Variants in ST3GAL2 observed in about 807,000 individuals in gnomAD.
ST3GAL2 encodes CMP-N-acetylneuraminate-beta-galactosamide-alpha-2,3-sialyltransferase 2.
In ST3GAL2, 16 loss-of-function variants were observed where a neutral mutation model predicts 37.5. That is an observed-to-expected ratio of 0.43 (90% CI 0.29 to 0.65). The LOEUF is 0.65. Ranked by LOEUF, ST3GAL2 falls within the 30% of genes least tolerant of loss-of-function variation. The pLI, the probability that ST3GAL2 is intolerant of heterozygous loss-of-function variation, is 0.17. For missense variants in ST3GAL2, 383 were observed against 487.8 expected (o/e 0.79, Z 2.02); for synonymous variants, 238 against 202.9 (o/e 1.17, Z -1.47).
Position 70,381,377 on chromosome 16 carries a change from T to A in ST3GAL2, c.*312A>T, listed in dbSNP as rs1218249317. ...CCTCAGAAAGCGTGAAAGAAAACCC[T>A]AACCCAAAGCATGAGGGAGTGGGGA... On this transcript the variant is annotated 3_prime_UTR_variant, in exon 7 of 7. Transcript: ENST00000342907. 2 of 315,312 alleles carry A rather than the reference T, an allele frequency of 6.3e-6. No homozygotes were observed. The highest frequency in any genetic ancestry group is 1.3e-4 in the East Asian group (2 of 15,532). The allele number at this position is 315,312 out of a possible 1,614,324, so 19.5% of individuals were successfully genotyped here.
In ST3GAL2 at chr16:70,381,643, C is replaced by T; in HGVS notation, c.*46G>A. 6.3e-7 allele frequency: 1 copy of T among 1,597,350 alleles called. No individual in the cohort carries two copies. Among genetic ancestry groups the T allele is most frequent in the South Asian group, 1.1e-5 (1 of 89,914 alleles). ...CTGGTCCTGGGTCCCGGGCCGGAGC[C>T]CCGGTGCCCGATAGATGGGCCGGAA... is the stretch of plus-strand genomic sequence containing the variant. On this transcript the variant is annotated 3_prime_UTR_variant, in exon 7 of 7. Coordinates refer to ENST00000342907, the MANE Select transcript of ST3GAL2 (RefSeq NM_006927.4).
chr16:70,407,313 G>A (rs1334795036), intron 1 of ST3GAL2, among the ~76,000 whole-genome samples: 1 of 152,032 alleles, frequency 6.6e-6, no homozygotes, highest in African/African-American at 2.4e-5. Context: ...GCTAATTTTT[G>A]TATTTTCAAC....
intron 3 of ST3GAL2, among the ~76,000 whole-genome samples, chr16:70,392,632 T>C (rs921355906): frequency 9.2e-5 from 14 of 152,056 alleles, no homozygotes; most frequent in African/African-American, 3.1e-4. Context: ...AGAGGACAAA[T>C]AGGAGGAGTG....
At position 70,398,857 on chromosome 16, in the gene ST3GAL2, A is replaced by C; in HGVS notation, c.-327T>G. 2 of 499,466 alleles carry C rather than the reference A, an allele frequency of 4.0e-6. No individual in the cohort carries two copies. The highest frequency in any genetic ancestry group is 7.0e-6 in the Non-Finnish European group (2 of 284,208). The allele number at this position is 499,466 out of a possible 1,614,324, so 30.9% of individuals were successfully genotyped here. On this transcript the variant is annotated 5_prime_UTR_variant, in exon 2 of 7. Transcript: ENST00000342907. ...GGAGGTCAGTCCATTGCAGCCCTCTAGTCCCTTGGGATTGCTGGCTGCCAG... is the reference window on the plus strand; with the variant it reads ...GGAGGTCAGTCCATTGCAGCCCTCTCGTCCCTTGGGATTGCTGGCTGCCAG...
intron 2 of ST3GAL2, among the ~76,000 whole-genome samples, chr16:70,395,969 ACT>A (rs1331867949): frequency 8.2e-5 from 12 of 146,422 alleles, no homozygotes; most frequent in Non-Finnish European, 1.2e-4. Flanking sequence ...AAAATGAAAT[ACT>A]CTTTTTTTTT....
chr16:70,383,065 G>C (rs1021087586), intron 5 of ST3GAL2, 125 bp downstream of exon 5: 38 of 1,576,224 alleles, frequency 2.4e-5, no homozygotes, highest in Non-Finnish European at 3.1e-5. Context: ...GCTAGGGTCA[G>C]GCATCTCGGC....
At position 70,399,183 on chromosome 16, in the gene ST3GAL2, C is replaced by A; in HGVS notation, c.-653G>T. 1 of 398,936 alleles carries A rather than the reference C, an allele frequency of 2.5e-6. No homozygotes were observed. Among genetic ancestry groups the A allele is most frequent in the Non-Finnish European group, 4.4e-6 (1 of 226,296 alleles). 24.7% of individuals were successfully genotyped at this position (398,936 alleles called of 1,614,324 possible). ...TCCGCTGCAGAGATCGAGATCCTTTCCGCAGTAGGTCTTGCCCTTCTGCTT... is the reference window on the plus strand; with the variant it reads ...TCCGCTGCAGAGATCGAGATCCTTTACGCAGTAGGTCTTGCCCTTCTGCTT... On this transcript the variant is annotated 5_prime_UTR_variant, in exon 2 of 7. It introduces an in-frame stop codon into an upstream open reading frame of the 5' UTR. Coordinates refer to ENST00000342907, the MANE Select transcript of ST3GAL2 (RefSeq NM_006927.4).
chr16:70,399,549 G>C lies in ST3GAL2; in HGVS notation c.-1003-16C>G, dbSNP rs972154380. ...CAGCACGACCCTAGAATGGCAGAGA[G>C]GAGAAATAATGTGCGGATGAATCAC... is the stretch of plus-strand genomic sequence containing the variant. On this transcript the variant is annotated splice_polypyrimidine_tract_variant and intron_variant, in intron 1 of 6. Coordinates refer to ENST00000342907, the MANE Select transcript of ST3GAL2 (RefSeq NM_006927.4). The C allele has an allele frequency of 7.5e-6, 3 of 397,738 alleles. No homozygotes were observed. Among genetic ancestry groups the C allele is most frequent in the Non-Finnish European group, 1.3e-5 (3 of 226,064 alleles). The allele number at this position is 397,738 out of a possible 1,614,324, so 24.6% of individuals were successfully genotyped here. A position where few individuals can be genotyped will look rare whatever the true frequency, so the allele number is the denominator to read the frequency against.
intron 1 of ST3GAL2, among the ~76,000 whole-genome samples, chr16:70,418,212 G>A (rs1211461464): frequency 6.6e-6 from 1 of 152,202 alleles, no homozygotes; most frequent in Non-Finnish European, 1.5e-5. Flanking sequence ...CCTTAGCCAA[G>A]CCCTTTTTCC....
chr16:70,408,226 C>A (rs1008788354), intron 1 of ST3GAL2, among the ~76,000 whole-genome samples: 2 of 152,184 alleles, frequency 1.3e-5, no homozygotes, highest in African/African-American at 4.8e-5. Context: ...CTGATGACTT[C>A]AAGCCCAGAG....
intron 4 of ST3GAL2, among the ~76,000 whole-genome samples, chr16:70,384,269 A>G (rs2047426241): frequency 6.6e-6 from 1 of 152,220 alleles, no homozygotes; most frequent in Admixed American, 6.5e-5. Flanking sequence ...CTACATTGGC[A>G]TAGTATTCAG....
intron 4 of ST3GAL2, among the ~76,000 whole-genome samples, chr16:70,385,526 G>T (rs1432314849): frequency 6.6e-6 from 1 of 151,676 alleles, no homozygotes; most frequent in Non-Finnish European, 1.5e-5. Flanking sequence ...AGTTAAAATG[G>T]CAAATGTTAT....
intron 1 of ST3GAL2, among the ~76,000 whole-genome samples, chr16:70,426,592 A>G (rs1444045360): frequency 6.7e-6 from 1 of 149,190 alleles, no homozygotes. Context: ...GCTCACCACA[A>G]CCTCTGCCTC....
chr16:70,407,829 C>A (rs559025092), intron 1 of ST3GAL2, among the ~76,000 whole-genome samples: 1 of 152,202 alleles, frequency 6.6e-6, no homozygotes, highest in South Asian at 2.1e-4. Flanking sequence ...CAGGAGACAG[C>A]CATCAACGAC....
intron 1 of ST3GAL2, among the ~76,000 whole-genome samples, chr16:70,425,059 G>C (rs1416577067): frequency 6.6e-6 from 1 of 152,116 alleles, no homozygotes; most frequent in African/African-American, 2.4e-5. Flanking sequence ...AAGATGTCTT[G>C]TATTGAGCTG....
chr16:70,410,268 TG>T (rs2047628330), intron 1 of ST3GAL2, among the ~76,000 whole-genome samples: 2 of 131,366 alleles, frequency 1.5e-5, no homozygotes, highest in Non-Finnish European at 3.2e-5. Flanking sequence ...TTTTTTTTTT[TG>T]AGACGGAGTC....
intron 1 of ST3GAL2, among the ~76,000 whole-genome samples, chr16:70,414,872 TATTA>T (rs1597570751): frequency 1.3e-5 from 2 of 148,354 alleles, no homozygotes; most frequent in South Asian, 2.1e-4. Flanking sequence ...TTTATTTATT[TATTA>T]TTTATTTATT....
chr16:70,438,067 G>C (rs2047838289), intron 1 of ST3GAL2, among the ~76,000 whole-genome samples: 1 of 152,238 alleles, frequency 6.6e-6, no homozygotes, highest in Non-Finnish European at 1.5e-5. Context: ...TGGGAGACGG[G>C]AGATGGATGC....
At chr16:70,425,984 A>G (rs1279508337) in intron 1 of ST3GAL2, among the ~76,000 whole-genome samples, 1 of 152,112 alleles carries the variant, frequency 6.6e-6, no homozygotes, top group African/African-American at 2.4e-5. Context: ...TGGAGTAAAC[A>G]CTGCCCACCA....
Sources: gnomAD v4.1 joint callset for allele counts (sites outside exome capture counted in the v4.1 genomes callset) on GRCh38, gnomAD v4.1.1 for gene constraint, MANE v1.5 for transcripts, NCBI Gene and HGNC (gene_info 2026-07-23, HGNC 2026-07-21) for gene names.